MUSK: variants seen among roughly 807,000 people sequenced by gnomAD.
The protein encoded by MUSK is muscle associated receptor tyrosine kinase, also known as muscle, skeletal receptor tyrosine-protein kinase.
In MUSK, 55 loss-of-function variants were observed where a neutral mutation model predicts 88.7. The ratio of observed to expected loss-of-function variants is 0.62; its 90% confidence interval spans 0.50 to 0.78. The LOEUF (loss-of-function observed/expected upper bound fraction) is 0.78. Ranked by LOEUF, MUSK falls within the 30% of genes least tolerant of loss-of-function variation. The pLI is 0.00. For synonymous variants in MUSK, 387 were observed against 391.9 expected (o/e 0.99, Z 0.15); for missense variants, 1,015 against 1,074.3 (o/e 0.94, Z 0.77).
chr9:110,750,248 G>A (rs372835146), intron 7 of MUSK, among the ~76,000 whole-genome samples: 5 of 152,166 alleles, frequency 3.3e-5, no homozygotes, highest in South Asian at 2.1e-4. Context: ...AAAGATACCC[G>A]TGCCAGAGCT....
chr9:110,797,132 T>TAAAAA (rs1223131136), intron 14 of MUSK, among the ~76,000 whole-genome samples: 1 of 17,156 alleles, frequency 5.8e-5, no homozygotes, highest in East Asian at 1.5e-3. Flanking sequence ...AATAAAAAAA[T>TAAAAA]AAAAAATAAA....
chr9:110,683,898 A>T (rs2076163294), intron 2 of MUSK, among the ~76,000 whole-genome samples: 1 of 152,090 alleles, frequency 6.6e-6, no homozygotes, highest in Non-Finnish European at 1.5e-5. Flanking sequence ...TCAGATGGGT[A>T]GTTTGCAAAT....
At chr9:110,689,773 C>T (rs181474847) in intron 3 of MUSK, among the ~76,000 whole-genome samples, 52,632 of 74,392 alleles carry the variant, frequency 0.71, 18,314 homozygotes, top group Middle Eastern at 0.83. Context: ...ATATATATCA[C>T]ATATAGTTTA....
At chr9:110,719,928 T>C (rs1190066811) in intron 5 of MUSK, among the ~76,000 whole-genome samples, 1 of 151,834 alleles carries the variant, frequency 6.6e-6, no homozygotes, top group Non-Finnish European at 1.5e-5. Flanking sequence ...GGAAATCAAC[T>C]CCAAAAGGAA....
At chr9:110,695,657 TG>T in intron 4 of MUSK, 127 bp downstream of exon 4, 1 of 788,798 alleles carries the variant, frequency 1.3e-6, no homozygotes, top group East Asian at 3.1e-5. Context: ...TTTAACCAAA[TG>T]TAAATATTTC....
At chr9:110,746,803 G>T (rs2077179395) in intron 6 of MUSK, among the ~76,000 whole-genome samples, 1 of 152,030 alleles carries the variant, frequency 6.6e-6, no homozygotes, top group Non-Finnish European at 1.5e-5. Flanking sequence ...TGACCTTGAG[G>T]TATTATGTAT....
intron 5 of MUSK, among the ~76,000 whole-genome samples, chr9:110,730,187 C>A (rs1156233499): frequency 6.8e-6 from 1 of 146,282 alleles, no homozygotes; most frequent in Admixed American, 6.8e-5. Flanking sequence ...TGAGAGAAAA[C>A]CCAGAGTTAA....
chr9:110,690,148 AT>A (rs1263699536), intron 3 of MUSK, among the ~76,000 whole-genome samples: 2 of 106,516 alleles, frequency 1.9e-5, no homozygotes, highest in African/African-American at 7.6e-5. Flanking sequence ...AGAAATATAT[AT>A]TTAAGTATAA....
At chr9:110,694,378 T>C (rs1221044290) in intron 3 of MUSK, among the ~76,000 whole-genome samples, 2 of 108,030 alleles carry the variant, frequency 1.9e-5, no homozygotes, top group Non-Finnish European at 1.7e-5. Context: ...AGAGCGAGAC[T>C]CCGTCTCAAA....
intron 2 of MUSK, among the ~76,000 whole-genome samples, chr9:110,684,395 A>C (rs554876421): frequency 1.3e-5 from 2 of 152,202 alleles, no homozygotes; most frequent in South Asian, 4.1e-4. Flanking sequence ...CTAGCTCTGT[A>C]GTATGATTTG....
At chr9:110,755,822 T>C (rs527392923) in intron 7 of MUSK, among the ~76,000 whole-genome samples, 5 of 151,416 alleles carry the variant, frequency 3.3e-5, no homozygotes, top group African/African-American at 1.2e-4. Context: ...TTTTCCTAAA[T>C]GGAATATGTT....
chr9:110,734,332 G>C lies in MUSK; in HGVS notation c.710G>C (p.Gly237Ala), dbSNP rs1283346544. Residue 237 changes from glycine to alanine, a missense_variant, in exon 6 of 15, where the codon GGC (glycine) becomes GCC (alanine). Coordinates refer to ENST00000374448, the MANE Select transcript of MUSK (RefSeq NM_005592.4). ...SFVTLHCTATGIPVPTITWIE... is the reference protein window; with the variant it reads ...SFVTLHCTATAIPVPTITWIE... ...GTGACCCTGCACTGTACAGCAACAG[G>C]CATTCCTGTCCCCACCATCACCTGG... 1 of 1,613,088 alleles carries C rather than the reference G, an allele frequency of 6.2e-7. No homozygotes were observed. The highest frequency in any genetic ancestry group is 8.5e-7 in the Non-Finnish European group (1 of 1,179,460).
intron 5 of MUSK, among the ~76,000 whole-genome samples, chr9:110,714,649 G>T (rs1187694162): frequency 6.6e-6 from 1 of 152,130 alleles, no homozygotes; most frequent in East Asian, 1.9e-4. Context: ...ATTTAGGTTT[G>T]TCATTATTGC....
intron 5 of MUSK, among the ~76,000 whole-genome samples, chr9:110,733,557 C>T (rs1255522537): frequency 6.6e-6 from 1 of 151,794 alleles, no homozygotes; most frequent in Non-Finnish European, 1.5e-5. Context: ...GCTGCCTACA[C>T]TTTATCTAAA....
chr9:110,695,067 T>C (rs1236725560), intron 3 of MUSK, among the ~76,000 whole-genome samples: 2 of 152,180 alleles, frequency 1.3e-5, no homozygotes, highest in African/African-American at 4.8e-5. Flanking sequence ...AATTAAATAA[T>C]GTTGAATTGC....
intron 6 of MUSK, among the ~76,000 whole-genome samples, chr9:110,736,430 A>T (rs1361779692): frequency 6.6e-6 from 1 of 152,138 alleles, no homozygotes; most frequent in African/African-American, 2.4e-5. Flanking sequence ...TACATAGATA[A>T]CTGGGGGAAC....
intron 1 of MUSK, among the ~76,000 whole-genome samples, chr9:110,674,803 G>A (rs1157671879): frequency 6.6e-6 from 1 of 151,858 alleles, no homozygotes; most frequent in Non-Finnish European, 1.5e-5. Context: ...GTAGAGATGT[G>A]GTTTCTCTGT....
At chr9:110,733,006 T>C (rs1326996537) in intron 5 of MUSK, among the ~76,000 whole-genome samples, 1 of 152,104 alleles carries the variant, frequency 6.6e-6, no homozygotes, top group Non-Finnish European at 1.5e-5. Flanking sequence ...TTGTCCTGCG[T>C]ATCTCCTTAT....
intron 6 of MUSK, among the ~76,000 whole-genome samples, chr9:110,734,828 T>C (rs911107541): frequency 4.6e-5 from 7 of 152,138 alleles, no homozygotes; most frequent in Admixed American, 4.6e-4. Flanking sequence ...CAGGCTCTAT[T>C]CCAAGCACTT....
Sources: gnomAD v4.1 joint callset for allele counts (sites outside exome capture counted in the v4.1 genomes callset) on GRCh38, gnomAD v4.1.1 for gene constraint, MANE v1.5 for transcripts, NCBI Gene and HGNC (gene_info 2026-07-23, HGNC 2026-07-21) for gene names.